Variants in OPCML observed in about 807,000 individuals in gnomAD.
OPCML encodes the protein opioid-binding protein/cell adhesion molecule.
In OPCML, 13 loss-of-function variants were observed where a neutral mutation model predicts 37.8. The ratio of observed to expected loss-of-function variants is 0.34; its 90% CI spans 0.22 to 0.55. The LOEUF (loss-of-function observed/expected upper bound fraction) is 0.55. Among genes scored for constraint, OPCML ranks in the 20% least tolerant of loss-of-function variants. The probability of loss-of-function intolerance (pLI) is 0.91; values close to 1 mark genes in which losing one functional copy is unlikely to be tolerated. For missense variants in OPCML, 341 were observed against 435.6 expected, an observed-to-expected ratio of 0.78 and a Z score of 1.93; for synonymous variants, 176 against 168.8, an observed-to-expected ratio of 1.04 and a Z score of -0.33.
chr11:133,058,576 T>C (rs766018611), intron 1 of OPCML, among the ~76,000 whole-genome samples: 18 of 152,018 alleles, frequency 1.2e-4, no homozygotes, highest in Non-Finnish European at 2.4e-4. Flanking sequence ...GAGCCTAGAG[T>C]ATCAGAAAGC....
intron 2 of OPCML, among the ~76,000 whole-genome samples, chr11:132,700,059 C>A (rs1010791077): frequency 5.9e-5 from 9 of 151,908 alleles, no homozygotes; most frequent in Non-Finnish European, 4.4e-5. Flanking sequence ...ATGATTCATT[C>A]TTGATAAATT....
chr11:133,497,835 C>T (rs1947816916), intron 1 of OPCML, among the ~76,000 whole-genome samples: 1 of 152,204 alleles, frequency 6.6e-6, no homozygotes, highest in Admixed American at 6.5e-5. Flanking sequence ...TAGCTCAAAT[C>T]CATTAATCCT....
intron 1 of OPCML, among the ~76,000 whole-genome samples, chr11:133,059,217 G>A (rs1948295692): frequency 6.6e-6 from 1 of 152,162 alleles, no homozygotes; most frequent in South Asian, 2.1e-4. Flanking sequence ...TTATCTTACA[G>A]ATAAAGCTCA....
At chr11:132,517,379 C>T (rs1221556800) in intron 4 of OPCML, among the ~76,000 whole-genome samples, 1 of 152,160 alleles carries the variant, frequency 6.6e-6, no homozygotes, top group Non-Finnish European at 1.5e-5. Flanking sequence ...CAAGGGTGCT[C>T]ATCCAGGAGG....
chr11:133,406,331 C>T (rs1945525434), intron 1 of OPCML, among the ~76,000 whole-genome samples: 1 of 152,084 alleles, frequency 6.6e-6, no homozygotes, highest in African/African-American at 2.4e-5. Flanking sequence ...CTTCCATCCT[C>T]AGTGGGAACA....
intron 2 of OPCML, chr11:132,860,730 G>A (rs955388297): frequency 2.0e-5 from 3 of 152,128 alleles, no homozygotes; most frequent in East Asian, 1.9e-4. Context: ...CTGTTTGAAC[G>A]CTTGGGGACA....
At chr11:133,115,894 T>C (rs538960475) in intron 1 of OPCML, among the ~76,000 whole-genome samples, 4 of 152,182 alleles carry the variant, frequency 2.6e-5, no homozygotes, top group South Asian at 2.1e-4. Context: ...TCATTGAGAA[T>C]AAATTTGAGC....
chr11:132,818,413 TA>T (rs781058561), intron 2 of OPCML, among the ~76,000 whole-genome samples: 2 of 151,838 alleles, frequency 1.3e-5, no homozygotes, highest in Non-Finnish European at 2.9e-5. Context: ...AACCCCTGAA[TA>T]AAACAAAAGA....
At chr11:132,701,603 C>T (rs1204860002) in intron 2 of OPCML, among the ~76,000 whole-genome samples, 1 of 152,126 alleles carries the variant, frequency 6.6e-6, no homozygotes, top group Non-Finnish European at 1.5e-5. Context: ...ATGCTCTCAG[C>T]CACTCTATGT....
chr11:132,827,785 G>A (rs963859702), intron 2 of OPCML, among the ~76,000 whole-genome samples: 15 of 151,242 alleles, frequency 9.9e-5, no homozygotes, highest in Admixed American at 6.6e-4. Flanking sequence ...GACTACAGGC[G>A]CATGCCACCA....
chr11:133,457,213 A>AT (rs1194274604), intron 1 of OPCML, among the ~76,000 whole-genome samples: 4 of 152,124 alleles, frequency 2.6e-5, no homozygotes, highest in Admixed American at 2.6e-4. Context: ...TATATTTAAG[A>AT]TGCTAAACGT....
At chr11:132,528,289 C>T (rs2096314056) in intron 4 of OPCML, among the ~76,000 whole-genome samples, 1 of 151,902 alleles carries the variant, frequency 6.6e-6, no homozygotes, top group Admixed American at 6.6e-5. Flanking sequence ...ATTTTTCCTG[C>T]TTACTTGGTT....
intron 1 of OPCML, among the ~76,000 whole-genome samples, chr11:133,269,528 C>T (rs1389597946): frequency 6.6e-6 from 1 of 152,210 alleles, no homozygotes; most frequent in African/African-American, 2.4e-5. Context: ...AACTTTATTA[C>T]TCATTTATTG....
At chr11:132,466,139 A>G (rs2096118739) in intron 4 of OPCML, among the ~76,000 whole-genome samples, 1 of 152,218 alleles carries the variant, frequency 6.6e-6, no homozygotes, top group Non-Finnish European at 1.5e-5. Flanking sequence ...ATAGAAGACA[A>G]TGGCACAGGG....
At chr11:132,986,910 C>T (rs555140318) in intron 1 of OPCML, among the ~76,000 whole-genome samples, 1 of 152,068 alleles carries the variant, frequency 6.6e-6, no homozygotes, top group Non-Finnish European at 1.5e-5. Context: ...AAAAGTTGAA[C>T]GTTTTAATGA....
chr11:133,437,820 C>T (rs1946274686), intron 1 of OPCML, among the ~76,000 whole-genome samples: 1 of 151,976 alleles, frequency 6.6e-6, no homozygotes, highest in African/African-American at 2.4e-5. Flanking sequence ...TTTTTAACAG[C>T]AAAACTGAAT....
In OPCML at chr11:132,759,914, C is replaced by T. The variant is rs529405953; in HGVS notation, c.147-102595G>A. Among the ~76,000 whole-genome samples, 14 of 152,138 alleles carry T rather than the reference C, an allele frequency of 9.2e-5. No homozygotes were observed. In the East Asian group the frequency reaches 1.4e-3, roughly 15 times the overall value. ...GAGGGTGCCAATTTTAGATCTTTCC[C>T]GCTTTCTCATGTGGGAATTTAATGC... is the stretch of plus-strand genomic sequence containing the variant. On this transcript the variant is annotated intron_variant, in intron 2 of 7. Coordinates refer to ENST00000524381, the MANE Select transcript of OPCML (RefSeq NM_001012393.5).
intron 1 of OPCML, among the ~76,000 whole-genome samples, chr11:133,186,738 A>G (rs1938095507): frequency 6.6e-6 from 1 of 152,164 alleles, no homozygotes; most frequent in African/African-American, 2.4e-5. Context: ...GTATTTATAT[A>G]CTCTATTTTA....
chr11:132,572,883 T>A (rs1262806820), intron 3 of OPCML, among the ~76,000 whole-genome samples: 2 of 151,994 alleles, frequency 1.3e-5, no homozygotes, highest in Non-Finnish European at 2.9e-5. Flanking sequence ...TCCACAAGAA[T>A]GGGGTGTTTT....
Sources: allele counts gnomAD v4.1 joint callset (sites outside exome capture counted in the v4.1 genomes callset), GRCh38; gene constraint gnomAD v4.1.1; transcripts MANE v1.5; gene names NCBI Gene and HGNC (gene_info 2026-07-23, HGNC 2026-07-21).